Variants in COMMD6 observed in about 807,000 individuals in gnomAD.
The protein encoded by COMMD6 is COMM domain containing 6.
In COMMD6, 11 loss-of-function variants were observed where a neutral mutation model predicts 13.4. The observed-to-expected ratio is 0.82, with a 90% CI of 0.52 to 1.36. The LOEUF is 1.36. Ranked by LOEUF, COMMD6 falls within the 40% of genes most tolerant of loss-of-function variation. The pLI is 0.00. For missense variants in COMMD6, 124 were observed against 102.4 expected (o/e 1.21, Z -0.91); for synonymous variants, 43 against 36.5 (o/e 1.18, Z -0.64).
chr13:75,532,919 A>G lies in COMMD6; in HGVS notation c.55-2653T>C, dbSNP rs186305089. On this transcript the variant is annotated intron_variant, in intron 2 of 3. Transcript: ENST00000682242. ...TAGGCATTGGGGACTCAACTCACTG[A>G]AAGTTTTTGTTTTGTTTTTTTTTTT... Among the ~76,000 whole-genome samples the G allele has an allele frequency of 2.6e-3, 390 of 151,732 alleles. 3 individuals are homozygous for G. The highest frequency in any genetic ancestry group is 4.5e-3 in the Non-Finnish European group (304 of 67,904).
At chr13:75,544,938 A>AAAAAAC (rs1371952086) in intron 1 of COMMD6, among the ~76,000 whole-genome samples, 1 of 150,850 alleles carries the variant, frequency 6.6e-6, no homozygotes, top group Non-Finnish European at 1.5e-5. Context: ...AAAAAAAAAA[A>AAAAAAC]AAAACAAAAA....
At chr13:75,538,648 C>T (rs2030764118), upstream of COMMD6, 1 of 152,166 alleles carries the variant, frequency 6.6e-6, no homozygotes, top group South Asian at 2.1e-4. Context: ...ATTCAACTAT[C>T]ACATTCAGGA....
chr13:75,533,841 G>A (rs1052693723), intron 2 of COMMD6, among the ~76,000 whole-genome samples: 1 of 152,118 alleles, frequency 6.6e-6, no homozygotes, highest in Non-Finnish European at 1.5e-5. Context: ...ATGATACTAG[G>A]GTTATCTCTA....
intron 1 of COMMD6, among the ~76,000 whole-genome samples, chr13:75,548,983 C>T (rs2030968578): frequency 6.6e-6 from 1 of 152,132 alleles, no homozygotes; most frequent in Non-Finnish European, 1.5e-5. Flanking sequence ...TTCCTCTCTG[C>T]CTAGGTAAAG....
upstream of COMMD6, among the ~76,000 whole-genome samples, chr13:75,541,970 T>C (rs568230497): frequency 6.2e-4 from 94 of 152,322 alleles, no homozygotes; most frequent in African/African-American, 2.1e-3. Context: ...CATAGTAAAC[T>C]ATGTGCATAT....
intron 2 of COMMD6, among the ~76,000 whole-genome samples, chr13:75,533,222 G>A (rs901105477): frequency 4.6e-5 from 7 of 151,770 alleles, no homozygotes; most frequent in East Asian, 2.0e-4. Context: ...GGGAGCCATC[G>A]CACCCGGCCG....
chr13:75,526,440 T>C lies in COMMD6; in HGVS notation c.*149A>G, dbSNP rs954107240. On this transcript the variant is annotated 3_prime_UTR_variant, in exon 4 of 4. Coordinates refer to ENST00000682242, the MANE Select transcript of COMMD6 (RefSeq NM_203495.4). The stretch of plus-strand genomic sequence containing the variant: ...GCATTCATCACCACTACCCAGTTCC[T>C]GTTTGTCTGATTTTTATTATTTAAA... 3.3e-6 allele frequency: 2 copies of C among 611,876 alleles called. No individual in the cohort carries two copies. Among genetic ancestry groups the C allele is most frequent in the African/African-American group, 3.7e-5 (2 of 53,836 alleles). The allele number at this position is 611,876 out of a possible 1,614,324, so 37.9% of individuals were successfully genotyped here. A position where few individuals can be genotyped will look rare whatever the true frequency, so the allele number is the denominator to read the frequency against.
At chr13:75,539,648 T>G (rs1170039233), upstream of COMMD6, among the ~76,000 whole-genome samples, 3 of 152,172 alleles carry the variant, frequency 2.0e-5, no homozygotes, top group African/African-American at 7.2e-5. Context: ...TGGAAATCTT[T>G]GGAGGAGGGC....
intron 1 of COMMD6, among the ~76,000 whole-genome samples, chr13:75,547,388 A>G (rs944342787): frequency 6.6e-6 from 1 of 152,226 alleles, no homozygotes; most frequent in East Asian, 1.9e-4. Context: ...GGAATTACCA[A>G]TAAATTTTAG....
At chr13:75,544,907 C>A (rs1446594019) in intron 1 of COMMD6, among the ~76,000 whole-genome samples, 2 of 120,024 alleles carry the variant, frequency 1.7e-5, no homozygotes, top group Non-Finnish European at 3.3e-5. Context: ...GCCTGGGCGA[C>A]CAAGCAAGAC....
upstream of COMMD6, among the ~76,000 whole-genome samples, chr13:75,540,306 A>G (rs549208333): frequency 1.3e-5 from 2 of 148,764 alleles, no homozygotes; most frequent in Admixed American, 1.4e-4. Flanking sequence ...TGTTGTCATC[A>G]TGGTGAGGGG....
At chr13:75,541,526 C>T (rs1246086993), upstream of COMMD6, among the ~76,000 whole-genome samples, 2 of 151,982 alleles carry the variant, frequency 1.3e-5, no homozygotes, top group Non-Finnish European at 2.9e-5. Context: ...CATCTCAATT[C>T]TCAGAGAAGG....
chr13:75,543,905 A>G (rs532817417), intron 1 of COMMD6, among the ~76,000 whole-genome samples: 1 of 152,352 alleles, frequency 6.6e-6, no homozygotes, highest in Admixed American at 6.5e-5. Context: ...CAGGAATGGT[A>G]AGCAACAGCA....
chr13:75,543,898 G>T (rs2030861526), intron 1 of COMMD6, among the ~76,000 whole-genome samples: 1 of 152,158 alleles, frequency 6.6e-6, no homozygotes, highest in African/African-American at 2.4e-5. Context: ...TGAAGTTCAG[G>T]AATGGTAAGC....
chr13:75,534,445 A>T (rs1429104337), intron 2 of COMMD6, among the ~76,000 whole-genome samples: 2 of 152,258 alleles, frequency 1.3e-5, no homozygotes, highest in African/African-American at 4.8e-5. Flanking sequence ...TAACCTCAAC[A>T]GTTAAATGCA....
chr13:75,534,093 C>G (rs2030583002), intron 2 of COMMD6, among the ~76,000 whole-genome samples: 1 of 151,960 alleles, frequency 6.6e-6, no homozygotes, highest in Admixed American at 6.6e-5. Flanking sequence ...CCTGGGCTTC[C>G]CTCCCCTAAA....
chr13:75,539,809 C>A (rs2030795266), upstream of COMMD6, among the ~76,000 whole-genome samples: 3 of 152,112 alleles, frequency 2.0e-5, no homozygotes. Flanking sequence ...AAACCCCCCA[C>A]TGACTCAAGG....
chr13:75,545,381 C>A (rs1258634509), intron 1 of COMMD6, among the ~76,000 whole-genome samples: 3 of 152,166 alleles, frequency 2.0e-5, no homozygotes, highest in African/African-American at 7.2e-5. Context: ...GTACAAATAG[C>A]AAATTTCATC....
At chr13:75,548,698 T>C (rs935904901) in intron 1 of COMMD6, among the ~76,000 whole-genome samples, 2 of 152,260 alleles carry the variant, frequency 1.3e-5, no homozygotes, top group African/African-American at 4.8e-5. Context: ...CTTCAGATGT[T>C]TACCGAGCAT....
Sources: allele counts gnomAD v4.1 joint callset (sites outside exome capture counted in the v4.1 genomes callset), GRCh38; gene constraint gnomAD v4.1.1; transcripts MANE v1.5; gene names NCBI Gene and HGNC (gene_info 2026-07-23, HGNC 2026-07-21).